DYNC1H1: variants seen among roughly 807,000 people sequenced by gnomAD.
DYNC1H1 encodes the protein cytoplasmic dynein 1 heavy chain 1.
A neutral mutation model predicts 527.1 loss-of-function variants in DYNC1H1; 51 were observed. That is an observed-to-expected ratio of 0.10 (90% CI 0.08 to 0.12). The LOEUF (loss-of-function observed/expected upper bound fraction) is 0.12. Ranked by LOEUF, DYNC1H1 falls within the 10% of genes least tolerant of loss-of-function variation. The probability of loss-of-function intolerance (pLI) is 1.00; values close to 1 mark genes in which losing one functional copy is unlikely to be tolerated. For synonymous variants in DYNC1H1, 2,189 were observed against 2,278.8 expected, an observed-to-expected ratio of 0.96 and a Z score of 1.12; for missense variants, 2,771 against 5,971.8, an observed-to-expected ratio of 0.46 and a Z score of 17.66.
At chr14:101,982,260 G>A (rs912277150) in intron 5 of DYNC1H1, among the ~76,000 whole-genome samples, 1 of 152,072 alleles carries the variant, frequency 6.6e-6, no homozygotes, top group Non-Finnish European at 1.5e-5. Context: ...CAAGCTCAGG[G>A]CTCCCACAGA....
At position 102,042,216 on chromosome 14, in the gene DYNC1H1, T is replaced by C. The variant is rs1177716266; in HGVS notation, c.12215-12T>C. On this transcript the variant is annotated splice_polypyrimidine_tract_variant and intron_variant, in intron 66 of 77. Coordinates refer to ENST00000360184, the MANE Select transcript of DYNC1H1 (RefSeq NM_001376.5). The surrounding 1 kb of genome is among the most constrained non-coding windows in gnomAD (Gnocchi z 5.7). The stretch of plus-strand genomic sequence containing the variant: ...AGGCTGCCGCTGCTAACACTAAGTT[T>C]CCCTGCACCAGGCTCTGCAGAAGGC... The C allele has an allele frequency of 6.2e-7, 1 of 1,613,914 alleles. No homozygotes were observed. Among genetic ancestry groups the C allele is most frequent in the African/African-American group, 1.3e-5 (1 of 74,876 alleles).
In DYNC1H1 at chr14:102,050,093, G is replaced by C. The variant is rs138571942; in HGVS notation, c.13707G>C (p.Thr4569=). ...CAGGTTTGAAACTTCAAGGGGCCAC[G>C]TGCAACAACAACAAGCTGTCACTGT... ...GVTGLKLQGA[T]CNNNKLSLSN... The change falls in exon 77 of 78, where the codon ACG becomes ACC. Residue 4569 remains threonine, a synonymous_variant. Coordinates refer to ENST00000360184, the MANE Select transcript of DYNC1H1 (RefSeq NM_001376.5). The C allele has an allele frequency of 6.4e-6, 10 of 1,554,056 alleles. No homozygotes were observed. In the Middle Eastern group the frequency reaches 1.0e-3, roughly 155 times the overall value.
intron 11 of DYNC1H1, among the ~76,000 whole-genome samples, chr14:101,991,954 T>G (rs2048003492): frequency 8.4e-6 from 1 of 119,478 alleles, no homozygotes; most frequent in Non-Finnish European, 1.7e-5. Flanking sequence ...CACCCCCCAC[T>G]TTTTATTAGG....
At chr14:101,994,902 T>C in intron 13 of DYNC1H1, 53 bp downstream of exon 13, 1 of 1,613,892 alleles carries the variant, frequency 6.2e-7, no homozygotes, top group South Asian at 1.1e-5. Context: ...AAAGCAACAT[T>C]TCTGTTAGAC....
chr14:102,038,368 A>G lies in DYNC1H1; in HGVS notation c.10909-92A>G, dbSNP rs563886954. The G allele has an allele frequency of 3.2e-6, 5 of 1,549,612 alleles. No individual in the cohort carries two copies. Among genetic ancestry groups the G allele is most frequent in the Non-Finnish European group, 4.3e-6 (5 of 1,152,490 alleles). On this transcript the variant is annotated intron_variant, in intron 57 of 77. Coordinates refer to ENST00000360184, the MANE Select transcript of DYNC1H1 (RefSeq NM_001376.5). This position sits in a 1 kb window ranked among gnomAD's most constrained non-coding sequence, Gnocchi z 7.2. ...AGTGGCGGGTGGCTTTTGGGAAGGT[A>G]TGCTTATCCAGAGTAGGACAGCAAC...
chr14:101,983,456 C>A lies in DYNC1H1; in HGVS notation c.1308C>A (p.Asp436Glu). Residue 436 changes from aspartate to glutamate, a missense_variant, in exon 7 of 78, where the codon GAC (aspartate) becomes GAA (glutamate). Transcript: ENST00000360184. This position sits in a 1 kb window ranked among gnomAD's most constrained non-coding sequence, Gnocchi z 5.3. ...EYEKLQVLLR[D>E]IVKRKREENL... Reference sequence around the variant, plus strand: ...AGAAACTTCAGGTATTGTTGAGAGACATCGTCAAAAGAAAAAGGGAAGAAA... The same window carrying A: ...AGAAACTTCAGGTATTGTTGAGAGAAATCGTCAAAAGAAAAAGGGAAGAAA... 6.2e-7 allele frequency: 1 copy of A among 1,614,040 alleles called. No individual in the cohort carries two copies. Among genetic ancestry groups the A allele is most frequent in the African/African-American group, 1.3e-5 (1 of 74,982 alleles).
intron 1 of DYNC1H1, among the ~76,000 whole-genome samples, chr14:101,972,670 G>A (rs1365989474): frequency 1.3e-5 from 2 of 152,148 alleles, no homozygotes; most frequent in African/African-American, 2.4e-5. Context: ...TCCGGACTGC[G>A]CAATTTCTGT....
chr14:101,983,905 G>A lies in DYNC1H1; in HGVS notation c.1461+296G>A, dbSNP rs1320524866. Among the ~76,000 whole-genome samples, 5 of 152,034 alleles carry A rather than the reference G, an allele frequency of 3.3e-5. No individual in the cohort carries two copies. The highest frequency in any genetic ancestry group is 7.4e-5 in the Non-Finnish European group (5 of 67,998). On this transcript the variant is annotated intron_variant, in intron 7 of 77. Coordinates refer to ENST00000360184, the MANE Select transcript of DYNC1H1 (RefSeq NM_001376.5). This position sits in a 1 kb window ranked among gnomAD's most constrained non-coding sequence, Gnocchi z 5.3. Reference sequence around the variant, plus strand: ...TGTTGGCCAGGCTGGTTTTGAACTGGCCTTCAAGTGTTCCACCTGCCTCGG... The same window carrying A: ...TGTTGGCCAGGCTGGTTTTGAACTGACCTTCAAGTGTTCCACCTGCCTCGG...
Position 102,002,715 on chromosome 14 carries a change from A to G in DYNC1H1, c.4709+12A>G. The G allele has an allele frequency of 6.2e-7, 1 of 1,614,272 alleles. No homozygotes were observed. The highest frequency in any genetic ancestry group is 1.3e-5 in the African/African-American group (1 of 75,084). ...CAGCGGTTTCAGAGGTATGGCCTCCAGCCAGAGAGCCAAATTTGCCAGCGG... is the reference window on the plus strand; with the variant it reads ...CAGCGGTTTCAGAGGTATGGCCTCCGGCCAGAGAGCCAAATTTGCCAGCGG... On this transcript the variant is annotated intron_variant, in intron 22 of 77. Transcript: ENST00000360184. The surrounding 1 kb of genome is among the most constrained non-coding windows in gnomAD (Gnocchi z 4.4).
At chr14:101,995,807 TCC>T (rs1219943156) in intron 15 of DYNC1H1, among the ~76,000 whole-genome samples, 1 of 152,024 alleles carries the variant, frequency 6.6e-6, no homozygotes, top group Non-Finnish European at 1.5e-5. Flanking sequence ...ATGCCTGTAA[TCC>T]CAGAACTTTG....
chr14:101,984,367 T>TTGTG (rs34147685), intron 7 of DYNC1H1, among the ~76,000 whole-genome samples: 1 of 145,220 alleles, frequency 6.9e-6, no homozygotes, highest in Non-Finnish European at 1.5e-5. Flanking sequence ...TGATTCTGTA[T>TTGTG]TGTGTGTGTG....
Position 101,999,977 on chromosome 14 carries a change from G to T in DYNC1H1, c.3805-12G>T. ...ATTGTGCTCCAATTCTCTGTGCTCT[G>T]ACTGCTTTCAGGGCAACCTTCGCCC... On this transcript the variant is annotated splice_polypyrimidine_tract_variant and intron_variant, in intron 16 of 77. Coordinates refer to ENST00000360184, the MANE Select transcript of DYNC1H1 (RefSeq NM_001376.5). The T allele has an allele frequency of 1.2e-6, 2 of 1,614,072 alleles. No individual in the cohort carries two copies. Among genetic ancestry groups the T allele is most frequent in the Non-Finnish European group, 1.7e-6 (2 of 1,180,032 alleles).
chr14:102,030,386 G>C (rs2048497150), intron 51 of DYNC1H1, 104 bp downstream of exon 51: 13 of 1,567,164 alleles, frequency 8.3e-6, no homozygotes, highest in Admixed American at 1.7e-5. Context: ...TTCCCTCAAA[G>C]GTTCTGGTTT....
At chr14:101,984,286 T>C (rs952082410) in intron 7 of DYNC1H1, among the ~76,000 whole-genome samples, 1 of 151,676 alleles carries the variant, frequency 6.6e-6, no homozygotes, top group Non-Finnish European at 1.5e-5. Flanking sequence ...CACCGCGCCC[T>C]GCCCGTATGC....
At chr14:101,973,883 T>C (rs1162382112) in intron 1 of DYNC1H1, among the ~76,000 whole-genome samples, 1 of 152,158 alleles carries the variant, frequency 6.6e-6, no homozygotes, top group African/African-American at 2.4e-5. Context: ...AGGAAGCAAA[T>C]AGCTTTTGCT....
intron 1 of DYNC1H1, among the ~76,000 whole-genome samples, chr14:101,967,620 A>G (rs1260109709): frequency 6.6e-6 from 1 of 152,184 alleles, no homozygotes; most frequent in African/African-American, 2.4e-5. Context: ...CAGGAGGATC[A>G]CTTGAGGCCA....
intron 11 of DYNC1H1, 92 bp downstream of exon 11, chr14:101,991,765 C>A: frequency 6.4e-7 from 1 of 1,556,728 alleles, no homozygotes; most frequent in Non-Finnish European, 8.8e-7. Flanking sequence ...TTTAGATAAG[C>A]TCTTGATGTT....
intron 1 of DYNC1H1, among the ~76,000 whole-genome samples, chr14:101,970,389 C>G (rs774618266): frequency 7.0e-6 from 1 of 143,042 alleles, no homozygotes; most frequent in Non-Finnish European, 1.5e-5. Context: ...AAAACTAAAG[C>G]GGGAAAAAAA....
Position 102,030,254 on chromosome 14 carries a change from G to A in DYNC1H1, c.9855G>A (p.Val3285=), listed in dbSNP as rs751049685. 7 of 1,614,160 alleles carry A rather than the reference G, an allele frequency of 4.3e-6. No individual in the cohort carries two copies. The Admixed American group carries it at 1.0e-4, about 23-fold the overall frequency. The change falls in exon 51 of 78, where the codon GTG becomes GTA. Residue 3285 remains valine (V), a synonymous_variant. Coordinates refer to ENST00000360184, the MANE Select transcript of DYNC1H1 (RefSeq NM_001376.5). ...QMSVKEDLDK[V]EPAVIEAQNA... is the part of the protein sequence containing the mutation. Reference sequence around the variant, plus strand: ...GTGTCAAAGAAGATCTTGATAAGGTGGAACCTGCCGTCATTGAGGCCCAGA... The same window carrying A: ...GTGTCAAAGAAGATCTTGATAAGGTAGAACCTGCCGTCATTGAGGCCCAGA...
Sources: gnomAD v4.1 joint callset for allele counts (sites outside exome capture counted in the v4.1 genomes callset) on GRCh38, gnomAD v4.1.1 for gene constraint, Gnocchi (gnomAD v3.1) non-coding constraint, MANE v1.5 for transcripts, NCBI Gene and HGNC (gene_info 2026-07-23, HGNC 2026-07-21) for gene names.